Variants in FAM78B observed in about 807,000 individuals in gnomAD.
FAM78B encodes the protein family with sequence similarity 78 member B, also known as protein FAM78B.
Under a neutral mutation model 20.0 loss-of-function variants are expected in FAM78B, and 10 were observed. That is an observed-to-expected ratio of 0.50 (90% CI 0.31 to 0.85). FAM78B has a LOEUF of 0.85. Among genes scored for constraint, FAM78B ranks in the 40% least tolerant of loss-of-function variants. FAM78B has a pLI of 0.05. For synonymous variants in FAM78B, 135 were observed against 132.8 expected (o/e 1.02, Z -0.12); for missense variants, 283 against 345.0 (o/e 0.82, Z 1.42).
At chr1:166,065,366 G>A (rs1478585366), downstream of FAM78B, among the ~76,000 whole-genome samples, 1 of 152,190 alleles carries the variant, frequency 6.6e-6, no homozygotes, top group Non-Finnish European at 1.5e-5. Context: ...TTACAGGATT[G>A]TTGAGGATAA....
At chr1:166,154,916 C>A in intron 1 of FAM78B, 1 of 446,734 alleles carries the variant, frequency 2.2e-6, no homozygotes, top group South Asian at 1.6e-5. Flanking sequence ...TGTTGATCTA[C>A]CACTTGCATT....
At position 166,137,272 on chromosome 1, in the gene FAM78B, T is replaced by C. The variant is rs529709636; in HGVS notation, c.263+28714A>G. Among the ~76,000 whole-genome samples, 5 of 152,362 alleles carry C rather than the reference T, an allele frequency of 3.3e-5. No homozygotes were observed. The South Asian group carries it at 8.3e-4, about 25-fold the overall frequency. ...TGTACTGAGGACTCTGGGCTGCATC[T>C]GGCTCAGCAGGACAGTGAGCTATGA... On this transcript the variant is annotated intron_variant, in intron 1 of 1. Transcript: ENST00000354422.
rs138167122 is a variant in FAM78B at position 166,134,519 on chromosome 1, A to G, written c.263+31467T>C. 8.8e-4 allele frequency among the ~76,000 whole-genome samples: 132 copies of G among 150,340 alleles called. No homozygotes were observed. In the East Asian group the frequency reaches 9.8e-3, roughly 11 times the overall value. Reference sequence around the variant, plus strand: ...AAGACACCAGAACATTAAAGTAGTAATAATAATAATAATAATAATAATAAG... The same window carrying G: ...AAGACACCAGAACATTAAAGTAGTAGTAATAATAATAATAATAATAATAAG... On this transcript the variant is annotated intron_variant, in intron 1 of 1. Transcript: ENST00000354422.
intron 1 of FAM78B, among the ~76,000 whole-genome samples, chr1:166,149,309 A>G (rs566713082): frequency 6.6e-6 from 1 of 152,356 alleles, no homozygotes; most frequent in South Asian, 2.1e-4. Context: ...CTGTTATAGA[A>G]AACAGATATC....
intron 1 of FAM78B, among the ~76,000 whole-genome samples, chr1:166,086,073 CTTTTT>C (rs77694495): frequency 3.0e-5 from 4 of 132,898 alleles, no homozygotes; most frequent in Admixed American, 7.7e-5. Flanking sequence ...CTATGTTACT[CTTTTT>C]TTTTTTTTTT....
intron 1 of FAM78B, among the ~76,000 whole-genome samples, chr1:166,102,300 C>G (rs1464409739): frequency 6.6e-6 from 1 of 152,184 alleles, no homozygotes; most frequent in Non-Finnish European, 1.5e-5. Context: ...ACTGCATCAA[C>G]TAACGAGCAA....
chr1:166,123,763 G>C (rs1162397943), intron 1 of FAM78B, among the ~76,000 whole-genome samples: 2 of 152,178 alleles, frequency 1.3e-5, no homozygotes, highest in African/African-American at 4.8e-5. Context: ...GTGAGGAAGA[G>C]GTGTTTAGAG....
At chr1:166,132,807 C>T (rs1021117158) in intron 1 of FAM78B, among the ~76,000 whole-genome samples, 2 of 152,122 alleles carry the variant, frequency 1.3e-5, no homozygotes, top group Admixed American at 6.6e-5. Flanking sequence ...TATTTTATGC[C>T]CCATATTGTT....
chr1:166,102,168 T>G (rs917480755), intron 1 of FAM78B, among the ~76,000 whole-genome samples: 3 of 152,176 alleles, frequency 2.0e-5, no homozygotes, highest in Non-Finnish European at 4.4e-5. Context: ...CTGAGAGATT[T>G]TGTCACCACC....
Position 166,070,663 on chromosome 1 carries a change from C to G in FAM78B, c.364G>C (p.Val122Leu). 6.2e-7 allele frequency: 1 copy of G among 1,613,806 alleles called. No individual in the cohort carries two copies. The highest frequency in any genetic ancestry group is 8.5e-7 in the Non-Finnish European group (1 of 1,180,016). ...YPWYGNTTET[V>L]TLVGPTNKIS... ...TTGTTGGTGGGGCCAACCAGGGTCA[C>G]AGTTTCTGTGGTGTTCCCGTACCAA... The change falls in exon 2 of 2, where the codon GTG becomes CTG. Residue 122 changes from valine (V) to leucine (L), a missense_variant. By Grantham distance (32) the Val-to-Leu change is conservative. Coordinates refer to ENST00000354422, the MANE Select transcript of FAM78B (RefSeq NM_001017961.5).
chr1:166,074,506 T>C (rs747468479), intron 1 of FAM78B, among the ~76,000 whole-genome samples: 8 of 152,234 alleles, frequency 5.3e-5, no homozygotes, highest in Non-Finnish European at 8.8e-5. Context: ...CATTAGTGTC[T>C]TGCACATGGC....
chr1:166,097,902 C>T (rs938063125), intron 1 of FAM78B, among the ~76,000 whole-genome samples: 5 of 152,212 alleles, frequency 3.3e-5, no homozygotes, highest in Non-Finnish European at 5.9e-5. Context: ...TGGAAAGCGC[C>T]ATGTCCTGGC....
chr1:166,089,520 G>T (rs189235398), intron 1 of FAM78B, among the ~76,000 whole-genome samples: 1 of 152,144 alleles, frequency 6.6e-6, no homozygotes, highest in Non-Finnish European at 1.5e-5. Flanking sequence ...TCTAGGAAGT[G>T]AAAGAATGGG....
intron 1 of FAM78B, among the ~76,000 whole-genome samples, chr1:166,091,502 C>G (rs1300336907): frequency 6.6e-6 from 1 of 152,220 alleles, no homozygotes; most frequent in Non-Finnish European, 1.5e-5. Flanking sequence ...TTGCCTTCCA[C>G]CATGATTGTG....
chr1:166,060,558 G>C, exon 3 of FAM78B: 1 of 1,245,516 alleles, frequency 8.0e-7, no homozygotes, highest in South Asian at 1.2e-5. Context: ...GAAATCAGCT[G>C]TCCAGGGATT....
chr1:166,130,076 A>G (rs1032205442), intron 1 of FAM78B, among the ~76,000 whole-genome samples: 3 of 152,170 alleles, frequency 2.0e-5, no homozygotes, highest in Non-Finnish European at 4.4e-5. Context: ...TCCTCTGTGA[A>G]GTGCTTCCTC....
At chr1:166,160,859 C>A (rs1340145317) in intron 1 of FAM78B, among the ~76,000 whole-genome samples, 1 of 152,164 alleles carries the variant, frequency 6.6e-6, no homozygotes, top group African/African-American at 2.4e-5. Flanking sequence ...TATATTCTCA[C>A]TAATTATATT....
In FAM78B at chr1:166,133,664, A is replaced by C. The variant is rs188750865; in HGVS notation, c.263+32322T>G. 2.0e-5 allele frequency among the ~76,000 whole-genome samples: 3 copies of C among 152,114 alleles called. No homozygotes were observed. In the East Asian group the frequency reaches 5.8e-4, roughly 29 times the overall value. ...TGAATCTGATTTTTGGTGGTTAGAA[A>C]TGTATTCCAGTGCTAATCTTATGCC... is the stretch of plus-strand genomic sequence containing the variant. On this transcript the variant is annotated intron_variant, in intron 1 of 1. Coordinates refer to ENST00000354422, the MANE Select transcript of FAM78B (RefSeq NM_001017961.5).
At chr1:166,157,380 C>T (rs1429763681) in intron 1 of FAM78B, among the ~76,000 whole-genome samples, 1 of 151,110 alleles carries the variant, frequency 6.6e-6, no homozygotes, top group Non-Finnish European at 1.5e-5. Context: ...CATTTATGTA[C>T]AGGCAAACTA....
Sources: allele counts gnomAD v4.1 joint callset (sites outside exome capture counted in the v4.1 genomes callset), GRCh38; gene constraint gnomAD v4.1.1; transcripts MANE v1.5; gene names NCBI Gene and HGNC (gene_info 2026-07-23, HGNC 2026-07-21).